CEP135: variants seen among roughly 807,000 people sequenced by gnomAD.
CEP135 encodes centrosomal protein of 135 kDa.
CEP135 carries 142 observed loss-of-function variants against 157.3 expected under a neutral mutation model. The observed-to-expected ratio is 0.90, with a 90% CI of 0.79 to 1.04. CEP135 has a LOEUF of 1.04. Ranked by LOEUF, CEP135 falls within the 50% of genes least tolerant of loss-of-function variation. The pLI, the probability that CEP135 is intolerant of heterozygous loss-of-function variation, is 0.00. For synonymous variants in CEP135, 396 were observed against 439.8 expected, an observed-to-expected ratio of 0.90 and a Z score of 1.25; for missense variants, 1,317 against 1,309.2, an observed-to-expected ratio of 1.01 and a Z score of -0.09.
At chr4:56,020,486 T>C (rs1012150865) in intron 23 of CEP135, among the ~76,000 whole-genome samples, 190 bp from the exon 24 acceptor site, 1 of 152,222 alleles carries the variant, frequency 6.6e-6, no homozygotes, top group Non-Finnish European at 1.5e-5. Flanking sequence ...GCTTAGCACA[T>C]AATAGATGTT....
chr4:55,972,931 C>T (rs900209324), intron 10 of CEP135, among the ~76,000 whole-genome samples: 1 of 152,040 alleles, frequency 6.6e-6, no homozygotes, highest in African/African-American at 2.4e-5. Flanking sequence ...ACTCAGGAGG[C>T]TGAGGCAGGA....
chr4:56,001,538 G>A lies in CEP135; in HGVS notation c.2280+1893G>A, dbSNP rs947734354. 5.3e-5 allele frequency among the ~76,000 whole-genome samples: 8 copies of A among 152,058 alleles called. No homozygotes were observed. The South Asian group carries it at 1.5e-3, about 28-fold the overall frequency. On this transcript the variant is annotated intron_variant, in intron 17 of 25. Transcript: ENST00000257287. ...TGCCCTGTCCCCATTGTATGTTCTTGGCATCTTGTTGAAAATGAGTTGGCT... is the reference window on the plus strand; with the variant it reads ...TGCCCTGTCCCCATTGTATGTTCTTAGCATCTTGTTGAAAATGAGTTGGCT...
At chr4:55,997,141 C>A (rs1729998761) in intron 15 of CEP135, among the ~76,000 whole-genome samples, 1 of 152,218 alleles carries the variant, frequency 6.6e-6, no homozygotes, top group African/African-American at 2.4e-5. Flanking sequence ...TTATGAACAA[C>A]TAATAATGGC....
chr4:55,953,626 A>G (rs550261146), intron 3 of CEP135, among the ~76,000 whole-genome samples: 1 of 152,346 alleles, frequency 6.6e-6, no homozygotes, highest in African/African-American at 2.4e-5. Context: ...GATAATCACT[A>G]TATGTGGATT....
In CEP135 at chr4:56,001,644, G is replaced by A. The variant is rs1290721501; in HGVS notation, c.2280+1999G>A. ...CTTGTTTTTACACCAATACCATGCT[G>A]ATTGGATAGCTGTATGGTATATTTT... On this transcript the variant is annotated intron_variant, in intron 17 of 25. Coordinates refer to ENST00000257287, the MANE Select transcript of CEP135 (RefSeq NM_025009.5). Among the ~76,000 whole-genome samples, 10 of 152,210 alleles carry A rather than the reference G, an allele frequency of 6.6e-5. No homozygotes were observed. The South Asian group carries it at 1.5e-3, about 22-fold the overall frequency.
At chr4:55,991,230 C>T (rs974990261) in intron 14 of CEP135, among the ~76,000 whole-genome samples, 1 of 151,950 alleles carries the variant, frequency 6.6e-6, no homozygotes, top group Non-Finnish European at 1.5e-5. Context: ...CCCACCGTGG[C>T]CTCCCATATA....
chr4:56,012,024 G>A, intron 21 of CEP135, 39 bp downstream of exon 21: 1 of 1,189,710 alleles, frequency 8.4e-7, no homozygotes, highest in Non-Finnish European at 1.1e-6. Flanking sequence ...GTTATTTAGT[G>A]AAACAGAAAA....
intron 19 of CEP135, among the ~76,000 whole-genome samples, chr4:56,010,346 AGT>A (rs1342224962): frequency 7.3e-6 from 1 of 137,340 alleles, no homozygotes; most frequent in Non-Finnish European, 1.5e-5. Flanking sequence ...TGGGCAACAG[AGT>A]GAGACTCCAT....
rs141788521 is a variant in CEP135 at position 55,974,905 on chromosome 4, G to A, written c.1409G>A (p.Arg470Gln). ...ELERLQHIIQ[R>Q]RSCSTSYSAR... is the part of the protein sequence containing the mutation. ...GAGAGACTCCAACATATAATACAGCGAAGATCTTGCTCTACAAGTTATAGC... is the reference window on the plus strand; with the variant it reads ...GAGAGACTCCAACATATAATACAGCAAAGATCTTGCTCTACAAGTTATAGC... Residue 470 changes from arginine (R) to glutamine (Q), a missense_variant, in exon 11 of 26, where the codon CGA (arginine) becomes CAA (glutamine). Physicochemically the swap from Arg to Gln is conservative, Grantham distance 43. Coordinates refer to ENST00000257287, the MANE Select transcript of CEP135 (RefSeq NM_025009.5). The A allele has an allele frequency of 1.5e-5, 25 of 1,613,196 alleles. No individual in the cohort carries two copies. The highest frequency in any genetic ancestry group is 2.1e-5 in the Non-Finnish European group (25 of 1,179,656).
At chr4:56,004,190 T>C (rs978422986) in intron 17 of CEP135, among the ~76,000 whole-genome samples, 1 of 152,230 alleles carries the variant, frequency 6.6e-6, no homozygotes, top group Non-Finnish European at 1.5e-5. Context: ...AGAGCAACTG[T>C]TGTTTAATTT....
chr4:55,969,428 TAAAAA>T (rs5858359), intron 9 of CEP135, among the ~76,000 whole-genome samples: 2 of 129,140 alleles, frequency 1.5e-5, no homozygotes, highest in Non-Finnish European at 3.3e-5. Flanking sequence ...ACTCCATCTT[TAAAAA>T]AAAAAAAAAA....
chr4:55,997,210 C>T (rs185462114), intron 15 of CEP135, among the ~76,000 whole-genome samples: 2 of 152,278 alleles, frequency 1.3e-5, no homozygotes, highest in African/African-American at 4.8e-5. Flanking sequence ...TTGAGAGGAC[C>T]TTTATCTTAG....
chr4:56,011,654 C>T lies in CEP135; in HGVS notation c.2616+132C>T. 3 of 979,856 alleles carry T rather than the reference C, an allele frequency of 3.1e-6. No individual in the cohort carries two copies. In the South Asian group the frequency reaches 4.7e-5, roughly 15 times the overall value. The allele number at this position is 979,856 out of a possible 1,614,324, so 60.7% of individuals were successfully genotyped here. The stretch of plus-strand genomic sequence containing the variant: ...GTCTACTGCCTTTTTCTATTTTTCC[C>T]ATAGATTTTAGTGTGGTACCTGCAC... On this transcript the variant is annotated intron_variant, in intron 20 of 25. Transcript: ENST00000257287.
rs1254873147 is a variant in CEP135 at position 56,031,456 on chromosome 4, A to G, written c.*108A>G. 1 of 152,620 alleles carries G rather than the reference A, an allele frequency of 6.6e-6. No individual in the cohort carries two copies. The allele number at this position is 152,620 out of a possible 1,614,324, so 9.5% of individuals were successfully genotyped here. On this transcript the variant is annotated 3_prime_UTR_variant, in exon 26 of 26. Transcript: ENST00000257287. ...TTGTTGCTGAAAATCATGAACATGG[A>G]CACAAATTCTACCTCTGTCAACTTT...
intron 22 of CEP135, 23 bp downstream of exon 22, chr4:56,017,880 GCA>G: frequency 3.1e-6 from 5 of 1,595,136 alleles, no homozygotes; most frequent in Non-Finnish European, 4.3e-6. Flanking sequence ...AATTGTCTTG[GCA>G]CATTGTTTTA....
intron 11 of CEP135, among the ~76,000 whole-genome samples, chr4:55,977,725 A>G (rs1729267661): frequency 6.6e-6 from 1 of 152,248 alleles, no homozygotes; most frequent in African/African-American, 2.4e-5. Flanking sequence ...GAAGTATACA[A>G]TAGTTATTAT....
rs924535758 is a variant in CEP135 at position 56,032,722 on chromosome 4, A to G, written c.*1374A>G. Reference sequence around the variant, plus strand: ...AAAAGAATATCAGATACAAAAATCAATCGTGAAGAAAATCTGTTCTTAATA... The same window carrying G: ...AAAAGAATATCAGATACAAAAATCAGTCGTGAAGAAAATCTGTTCTTAATA... On this transcript the variant is annotated 3_prime_UTR_variant, in exon 26 of 26. Coordinates refer to ENST00000257287, the MANE Select transcript of CEP135 (RefSeq NM_025009.5). 7 of 152,350 alleles carry G rather than the reference A, an allele frequency of 4.6e-5. No individual in the cohort carries two copies. Among genetic ancestry groups the G allele is most frequent in the Admixed American group, 3.9e-4 (6 of 15,298 alleles). 9.4% of individuals were successfully genotyped at this position (152,350 alleles called of 1,614,324 possible).
Position 56,017,706 on chromosome 4 carries a change from C to A in CEP135, c.2861C>A (p.Ser954Tyr). The change falls in exon 22 of 26, where the codon TCT (serine) becomes TAT (tyrosine). Residue 954 changes from serine to tyrosine, a missense_variant. By Grantham distance (144) the Ser-to-Tyr change is moderately radical. Coordinates refer to ENST00000257287, the MANE Select transcript of CEP135 (RefSeq NM_025009.5). ...SQISSMAKAMSRLEEELRHQE... is the reference protein window; with the variant it reads ...SQISSMAKAMYRLEEELRHQE... ...ATCTCATCAATGGCAAAAGCCATGTCTCGATTAGAAGAAGAGCTGAGACAT... is the reference window on the plus strand; with the variant it reads ...ATCTCATCAATGGCAAAAGCCATGTATCGATTAGAAGAAGAGCTGAGACAT... 6.2e-7 allele frequency: 1 copy of A among 1,613,820 alleles called. No individual in the cohort carries two copies. Among genetic ancestry groups the A allele is most frequent in the South Asian group, 1.1e-5 (1 of 91,036 alleles).
chr4:56,015,700 G>C (rs1045758761), intron 21 of CEP135, among the ~76,000 whole-genome samples: 1 of 152,178 alleles, frequency 6.6e-6, no homozygotes, highest in Non-Finnish European at 1.5e-5. Flanking sequence ...TATTTTGGAA[G>C]CAGTTTACTT....
Sources: allele counts gnomAD v4.1 joint callset (sites outside exome capture counted in the v4.1 genomes callset), GRCh38; gene constraint gnomAD v4.1.1; transcripts MANE v1.5; gene names NCBI Gene and HGNC (gene_info 2026-07-23, HGNC 2026-07-21).